Variants in HMGB1 observed in about 807,000 individuals in gnomAD.
HMGB1 encodes the protein high mobility group protein B1.
For missense variants in HMGB1, 79 were observed against 253.5 expected, an observed-to-expected ratio of 0.31 and a Z score of 4.67; for synonymous variants, 81 against 84.0, an observed-to-expected ratio of 0.96 and a Z score of 0.19.
intron 1 of HMGB1, among the ~76,000 whole-genome samples, chr13:30,522,268 A>G (rs2137475855): frequency 6.6e-6 from 1 of 152,076 alleles, no homozygotes; most frequent in East Asian, 1.9e-4. Context: ...AGATGCCATC[A>G]TGCCCAGCTA....
intron 1 of HMGB1, among the ~76,000 whole-genome samples, chr13:30,605,477 T>C (rs539390411): frequency 6.6e-6 from 1 of 152,306 alleles, no homozygotes; most frequent in East Asian, 1.9e-4. Context: ...AGAGAATCAT[T>C]ATACTCATTT....
chr13:30,510,307 G>A (rs947489737), intron 1 of HMGB1, among the ~76,000 whole-genome samples: 1 of 152,164 alleles, frequency 6.6e-6, no homozygotes, highest in African/African-American at 2.4e-5. Flanking sequence ...AGATTAATTG[G>A]TCATAAAATC....
chr13:30,587,163 A>T (rs1215034774), intron 1 of HMGB1, among the ~76,000 whole-genome samples: 1 of 152,212 alleles, frequency 6.6e-6, no homozygotes, highest in Non-Finnish European at 1.5e-5. Flanking sequence ...AATAGGCTAA[A>T]TCAGTACTGG....
intron 1 of HMGB1, among the ~76,000 whole-genome samples, chr13:30,611,405 G>A (rs1950511926): frequency 6.6e-6 from 1 of 152,076 alleles, no homozygotes; most frequent in African/African-American, 2.4e-5. Flanking sequence ...CTCGTGATCT[G>A]CCCACCTCGG....
intron 1 of HMGB1, among the ~76,000 whole-genome samples, chr13:30,605,050 C>T (rs376768520): frequency 1.3e-5 from 2 of 152,132 alleles, no homozygotes; most frequent in African/African-American, 4.8e-5. Flanking sequence ...GGGTTTACTG[C>T]CTGAGCAATG....
At chr13:30,609,785 C>T (rs566392708) in intron 1 of HMGB1, among the ~76,000 whole-genome samples, 1 of 152,164 alleles carries the variant, frequency 6.6e-6, no homozygotes, top group African/African-American at 2.4e-5. Context: ...CTGTATGATT[C>T]TTATGCCTCT....
intron 1 of HMGB1, among the ~76,000 whole-genome samples, chr13:30,561,176 C>T (rs1869935603): frequency 6.6e-6 from 1 of 151,982 alleles, no homozygotes; most frequent in Non-Finnish European, 1.5e-5. Flanking sequence ...AGGAGGAAAA[C>T]CTGATTCTGG....
intron 1 of HMGB1, among the ~76,000 whole-genome samples, chr13:30,574,621 T>C (rs1057316713): frequency 1.3e-5 from 2 of 152,256 alleles, no homozygotes; most frequent in East Asian, 1.9e-4. Flanking sequence ...GTGCTCATTC[T>C]ACTGAAAGTC....
upstream of HMGB1, among the ~76,000 whole-genome samples, chr13:30,468,343 C>A (rs1181781765): frequency 6.6e-6 from 1 of 152,102 alleles, no homozygotes; most frequent in African/African-American, 2.4e-5. Context: ...GCAACCTACA[C>A]CTCCTGGTTC....
Position 30,461,136 on chromosome 13 carries a change from G to A in HMGB1, c.*221C>T. On this transcript the variant is annotated 3_prime_UTR_variant, in exon 5 of 5. Transcript: ENST00000341423. ...CATGCCAATTTACAACCCCCATACT[G>A]TACCAGGCAAGGTTAGTGGCTATTG... 1 of 1,293,064 alleles carries A rather than the reference G, an allele frequency of 7.7e-7. No individual in the cohort carries two copies. The highest frequency in any genetic ancestry group is 2.9e-5 in the East Asian group (1 of 34,322). 80.1% of individuals were successfully genotyped at this position (1,293,064 alleles called of 1,614,324 possible).
At chr13:30,592,917 A>C (rs974115199) in intron 1 of HMGB1, among the ~76,000 whole-genome samples, 2 of 151,736 alleles carry the variant, frequency 1.3e-5, no homozygotes, top group Non-Finnish European at 2.9e-5. Context: ...ATATAGTGCA[A>C]AACAACAATT....
chr13:30,464,612 G>C (rs1378227888), intron 1 of HMGB1: 3 of 984,014 alleles, frequency 3.0e-6, no homozygotes, highest in South Asian at 9.4e-5. Context: ...TGTCAGGCTC[G>C]GCGCAGGGAG....
In HMGB1 at chr13:30,465,117, T is replaced by C. The variant is rs1291647268; in HGVS notation, c.-15+679A>G. Reference sequence around the variant, plus strand: ...GCTCCCCCGCCCGCCCGCCTTGTTTTCTCTCCAGCCAGCAGCGCCGGGCCC... The same window carrying C: ...GCTCCCCCGCCCGCCCGCCTTGTTTCCTCTCCAGCCAGCAGCGCCGGGCCC... On this transcript the variant is annotated intron_variant, in intron 1 of 4. Coordinates refer to ENST00000341423, the MANE Select transcript of HMGB1 (RefSeq NM_002128.7). The C allele has an allele frequency of 6.3e-6, 6 of 959,030 alleles. No homozygotes were observed. The East Asian group carries it at 7.4e-4, about 118-fold the overall frequency. 59.4% of individuals were successfully genotyped at this position (959,030 alleles called of 1,614,324 possible).
At chr13:30,592,657 T>C (rs919667514) in intron 1 of HMGB1, among the ~76,000 whole-genome samples, 1 of 151,716 alleles carries the variant, frequency 6.6e-6, no homozygotes, top group African/African-American at 2.4e-5. Context: ...AAATGAATTG[T>C]TTAAGAATTT....
upstream of HMGB1, among the ~76,000 whole-genome samples, chr13:30,467,390 C>G (rs143816855): frequency 7.2e-3 from 1,103 of 152,278 alleles, 13 homozygotes; most frequent in African/African-American, 0.026. Flanking sequence ...TATTAAACTA[C>G]TTGAGAGTAA....
intron 1 of HMGB1, among the ~76,000 whole-genome samples, chr13:30,481,180 A>G (rs1268057433): frequency 1.3e-5 from 2 of 152,164 alleles, no homozygotes; most frequent in Admixed American, 6.5e-5. Flanking sequence ...AGAAGACTCA[A>G]AAAAACACTT....
At chr13:30,535,940 C>T (rs978773987) in intron 1 of HMGB1, among the ~76,000 whole-genome samples, 1 of 152,082 alleles carries the variant, frequency 6.6e-6, no homozygotes, top group African/African-American at 2.4e-5. Context: ...ACGATTAAGA[C>T]AGGAATATAG....
rs1443850481 is a variant in HMGB1 at position 30,460,681 on chromosome 13, A to C, written c.*676T>G. On this transcript the variant is annotated 3_prime_UTR_variant, in exon 5 of 5. Transcript: ENST00000341423. ...GCTATGTGAAATTTCTTAACTGATCAAGATTTTGGATGTTCAGTTATGGAT... is the reference window on the plus strand; with the variant it reads ...GCTATGTGAAATTTCTTAACTGATCCAGATTTTGGATGTTCAGTTATGGAT... The C allele has an allele frequency of 6.6e-6, 1 of 152,532 alleles. No homozygotes were observed. The highest frequency in any genetic ancestry group is 1.5e-5 in the Non-Finnish European group (1 of 67,992). The allele number at this position is 152,532 out of a possible 1,614,324, so 9.4% of individuals were successfully genotyped here. A position where few individuals can be genotyped will look rare whatever the true frequency, so the allele number is the denominator to read the frequency against.
Position 30,459,509 on chromosome 13 carries a change from C to T in HMGB1, c.*1848G>A, listed in dbSNP as rs1886173388. The T allele has an allele frequency of 6.6e-6, 1 of 152,106 alleles. No homozygotes were observed. Among genetic ancestry groups the T allele is most frequent in the Non-Finnish European group, 1.5e-5 (1 of 67,998 alleles). The allele number at this position is 152,106 out of a possible 1,614,324, so 9.4% of individuals were successfully genotyped here. A position where few individuals can be genotyped will look rare whatever the true frequency, so the allele number is the denominator to read the frequency against. On this transcript the variant is annotated 3_prime_UTR_variant, in exon 5 of 5. Transcript: ENST00000341423. ...CTAAATCAGATTGAGTCATTTGCTC[C>T]TCTTAACAAAAAATCTGATGTTCGA...
Sources: gnomAD v4.1 joint callset for allele counts (sites outside exome capture counted in the v4.1 genomes callset) on GRCh38, gnomAD v4.1.1 for gene constraint, MANE v1.5 for transcripts, NCBI Gene and HGNC (gene_info 2026-07-23, HGNC 2026-07-21) for gene names.